Variants in SORBS2 observed in about 807,000 individuals in gnomAD.
The protein encoded by SORBS2 is sorbin and SH3 domain-containing protein 2.
SORBS2 carries 46 observed loss-of-function variants against 97.7 expected under a neutral mutation model. The ratio of observed to expected loss-of-function variants is 0.47; its 90% confidence interval spans 0.37 to 0.60. SORBS2 has a LOEUF of 0.60. SORBS2 is among the 20% of genes least tolerant of loss of function. The pLI is 0.00. For missense variants in SORBS2, 1,316 were observed against 1,282.3 expected, an observed-to-expected ratio of 1.03 and a Z score of -0.40; for synonymous variants, 476 against 473.4, an observed-to-expected ratio of 1.01 and a Z score of -0.07.
chr4:185,868,152 T>TTC (rs2099228150), intron 1 of SORBS2, among the ~76,000 whole-genome samples: 4 of 78,838 alleles, frequency 5.1e-5, no homozygotes, highest in Non-Finnish European at 7.4e-5. Context: ...CTTTTCTTTT[T>TTC]TTCTTTCTTT....
At chr4:185,741,713 A>G (rs1025837984) in intron 2 of SORBS2, among the ~76,000 whole-genome samples, 4 of 151,828 alleles carry the variant, frequency 2.6e-5, no homozygotes, top group Non-Finnish European at 5.9e-5. Context: ...CTGCTTGAAC[A>G]CAGCAACAGG....
At chr4:185,604,490 A>C (rs1239753655) in intron 12 of SORBS2, among the ~76,000 whole-genome samples, 2 of 152,172 alleles carry the variant, frequency 1.3e-5, no homozygotes, top group Non-Finnish European at 2.9e-5. Context: ...TGGCTGGGAA[A>C]GGGTGTGGGT....
chr4:185,912,736 C>A (rs561021526), intron 1 of SORBS2, among the ~76,000 whole-genome samples: 1 of 152,142 alleles, frequency 6.6e-6, no homozygotes, highest in Non-Finnish European at 1.5e-5. Context: ...TCCATTTCAC[C>A]ATGCTAATTA....
chr4:185,740,247 C>T (rs1382181485), intron 2 of SORBS2: 1 of 152,350 alleles, frequency 6.6e-6, no homozygotes, highest in Non-Finnish European at 1.5e-5. Context: ...GTCTTGTCTA[C>T]ACATCATACT....
intron 2 of SORBS2, among the ~76,000 whole-genome samples, chr4:185,764,327 T>C (rs1356174877): frequency 1.3e-5 from 2 of 152,200 alleles, no homozygotes; most frequent in African/African-American, 4.8e-5. Flanking sequence ...CACTGCTAGA[T>C]TCAAAGCCCA....
At chr4:185,720,338 C>CGTTA (rs2098502502) in intron 2 of SORBS2, among the ~76,000 whole-genome samples, 4 of 47,340 alleles carry the variant, frequency 8.4e-5, no homozygotes, top group Admixed American at 6.0e-4. Flanking sequence ...TCAATAGTTC[C>CGTTA]ATTTTATATT....
chr4:185,905,111 AAAAG>A (rs1216644377), intron 1 of SORBS2, among the ~76,000 whole-genome samples: 13 of 151,706 alleles, frequency 8.6e-5, no homozygotes, highest in South Asian at 2.1e-4. Context: ...TCAAAAAAAA[AAAAG>A]AAAGAAAGAA....
chr4:185,611,243 C>G (rs73876130), intron 12 of SORBS2, among the ~76,000 whole-genome samples: 2,945 of 152,066 alleles, frequency 0.019, 77 homozygotes, highest in African/African-American at 0.068. Context: ...ATATAAAAAA[C>G]TTGTATAGAT....
At chr4:185,876,650 T>C (rs56093725) in intron 1 of SORBS2, among the ~76,000 whole-genome samples, 19,704 of 152,232 alleles carry the variant, frequency 0.13, 1,551 homozygotes, top group Non-Finnish European at 0.18. Flanking sequence ...GCTTTTGGAT[T>C]TACCTCCATG....
At chr4:185,886,554 C>CAAAAA (rs1198439527) in intron 1 of SORBS2, among the ~76,000 whole-genome samples, 87 of 72,298 alleles carry the variant, frequency 1.2e-3, no homozygotes, top group African/African-American at 1.4e-3. Flanking sequence ...GACTCTGTCT[C>CAAAAA]AAAAAAAAAA....
intron 1 of SORBS2, among the ~76,000 whole-genome samples, chr4:185,921,459 T>G (rs2099260887): frequency 6.6e-6 from 1 of 152,154 alleles, no homozygotes; most frequent in Non-Finnish European, 1.5e-5. Flanking sequence ...AGAAAAATAT[T>G]TTATTAAATT....
chr4:185,788,563 G>T (rs184509671), intron 1 of SORBS2, among the ~76,000 whole-genome samples: 62 of 152,266 alleles, frequency 4.1e-4, no homozygotes, highest in Non-Finnish European at 4.4e-4. Context: ...TACAAGGCTC[G>T]CTGGTGAAAC....
intron 4 of SORBS2, chr4:185,645,779 T>C (rs1399721390): frequency 6.6e-6 from 1 of 152,116 alleles, no homozygotes; most frequent in East Asian, 1.9e-4. Context: ...TTCCTAGAAG[T>C]AGGCTTGGAA....
At chr4:185,803,681 A>G (rs955042597) in intron 1 of SORBS2, among the ~76,000 whole-genome samples, 3 of 152,254 alleles carry the variant, frequency 2.0e-5, no homozygotes, top group Non-Finnish European at 4.4e-5. Context: ...AAAAAGCCAT[A>G]TTAATCATTA....
At chr4:185,799,421 C>G (rs1415577571) in intron 1 of SORBS2, among the ~76,000 whole-genome samples, 1 of 152,182 alleles carries the variant, frequency 6.6e-6, no homozygotes, top group South Asian at 2.1e-4. Context: ...CTAACAAATA[C>G]TATGTAAAAG....
chr4:185,953,833 C>A (rs113010443), intron 1 of SORBS2, among the ~76,000 whole-genome samples: 1 of 152,350 alleles, frequency 6.6e-6, no homozygotes, highest in African/African-American at 2.4e-5. Flanking sequence ...TCATAAGCTG[C>A]CCAAGTAGGG....
chr4:185,935,153 AG>A (rs1371190086), intron 1 of SORBS2, among the ~76,000 whole-genome samples: 1 of 152,224 alleles, frequency 6.6e-6, no homozygotes, highest in Non-Finnish European at 1.5e-5. Context: ...ACAAACCAAT[AG>A]GCAATGTATC....
At chr4:185,775,652 C>T (rs768744448) in intron 1 of SORBS2, 2 of 152,176 alleles carry the variant, frequency 1.3e-5, no homozygotes, top group Non-Finnish European at 2.9e-5. Flanking sequence ...CCAAAGTTGA[C>T]TGGAATCTTA....
chr4:185,859,137 T>C (rs2099222282), intron 1 of SORBS2, among the ~76,000 whole-genome samples: 1 of 152,172 alleles, frequency 6.6e-6, no homozygotes, highest in Admixed American at 6.5e-5. Flanking sequence ...GAGTCTATTG[T>C]TTGTAAGGAG....
Sources: gnomAD v4.1 joint callset for allele counts (sites outside exome capture counted in the v4.1 genomes callset) on GRCh38, gnomAD v4.1.1 for gene constraint, MANE v1.5 for transcripts, NCBI Gene and HGNC (gene_info 2026-07-23, HGNC 2026-07-21) for gene names.